Variants in MIDEAS observed in about 807,000 individuals in gnomAD.
MIDEAS encodes mitotic deacetylase associated SANT domain protein, also known as mitotic deacetylase-associated SANT domain protein.
Under a neutral mutation model 102.7 loss-of-function variants are expected in MIDEAS, and 26 were observed. The observed-to-expected ratio is 0.25, with a 90% CI of 0.19 to 0.35. The LOEUF is 0.35. Among genes scored for constraint, MIDEAS ranks in the 10% least tolerant of loss-of-function variants. The probability of loss-of-function intolerance (pLI) is 1.00; values close to 1 mark genes in which losing one functional copy is unlikely to be tolerated. For synonymous variants in MIDEAS, 585 were observed against 591.0 expected (o/e 0.99, Z 0.15); for missense variants, 1,231 against 1,435.6 (o/e 0.86, Z 2.30).
chr14:73,746,373 T>G (rs1027851477), intron 1 of MIDEAS, among the ~76,000 whole-genome samples: 1 of 152,184 alleles, frequency 6.6e-6, no homozygotes, highest in African/African-American at 2.4e-5. Context: ...GCCTTCCTCC[T>G]AGGCAAAGGC....
intron 1 of MIDEAS, among the ~76,000 whole-genome samples, chr14:73,780,886 C>T (rs1423739707): frequency 2.6e-5 from 4 of 152,120 alleles, no homozygotes; most frequent in Non-Finnish European, 4.4e-5. Flanking sequence ...CTATTAAATA[C>T]GCATCCCACT....
intron 1 of MIDEAS, among the ~76,000 whole-genome samples, chr14:73,775,973 G>A (rs532553464): frequency 1.4e-4 from 21 of 152,100 alleles, no homozygotes; most frequent in African/African-American, 4.6e-4. Flanking sequence ...TAGAACTGGA[G>A]AGATCACCTG....
In MIDEAS at chr14:73,739,072, G is replaced by A. The variant is rs752952951; in HGVS notation, c.937C>T (p.Pro313Ser). The part of the protein sequence containing the change: ...HHSMAPYPFP[P>S]NPDMNPELRK... ...AGTTCTGGGTTCATATCTGGGTTGG[G>A]GGGGAAGGGGTAGGGTGCCATGCTG... The change falls in exon 2 of 13, where the codon CCC becomes TCC. Residue 313 changes from proline (P) to serine (S), a missense_variant. Transcript: ENST00000423556. The A allele has an allele frequency of 1.3e-6, 2 of 1,576,526 alleles. No homozygotes were observed. The highest frequency in any genetic ancestry group is 1.7e-6 in the Non-Finnish European group (2 of 1,158,268).
chr14:73,729,705 G>A lies in MIDEAS; in HGVS notation c.2030C>T (p.Thr677Ile), dbSNP rs1195078290. 1 of 1,613,994 alleles carries A rather than the reference G, an allele frequency of 6.2e-7. No homozygotes were observed. Among genetic ancestry groups the A allele is most frequent in the South Asian group, 1.1e-5 (1 of 91,092 alleles). ...GGGAGGAGGGGCAGGGATGGTGCTG[G>A]TTGATATGATGGCATTGAAGTAGAG... is the stretch of plus-strand genomic sequence containing the variant. ...SGLYFNAIIS[T>I]STIPAPPPIT... Residue 677 changes from threonine (T) to isoleucine (I), a missense_variant, in exon 4 of 13, where the codon ACC becomes ATC. Transcript: ENST00000423556.
At chr14:73,741,578 C>A (rs1335432312) in intron 1 of MIDEAS, among the ~76,000 whole-genome samples, 1 of 152,150 alleles carries the variant, frequency 6.6e-6, no homozygotes, top group Admixed American at 6.5e-5. Flanking sequence ...GGCACAGGGT[C>A]CCGACTATAC....
chr14:73,720,315 T>G (rs1232807759), intron 11 of MIDEAS, among the ~76,000 whole-genome samples: 1 of 148,442 alleles, frequency 6.7e-6, no homozygotes, highest in Non-Finnish European at 1.5e-5. Flanking sequence ...CTTGGCTCAC[T>G]GCAACCTCCG....
chr14:73,723,038 C>A, intron 9 of MIDEAS, 191 bp from the exon 10 acceptor site: 1 of 554,338 alleles, frequency 1.8e-6, no homozygotes, highest in Non-Finnish European at 3.2e-6. Context: ...ATCAATGCTT[C>A]AGCACTATTT....
chr14:73,742,630 C>T lies in MIDEAS; in HGVS notation c.-247-2375G>A, dbSNP rs920852172. 6.6e-6 allele frequency among the ~76,000 whole-genome samples: 1 copy of T among 152,208 alleles called. No individual in the cohort carries two copies. Among genetic ancestry groups the T allele is most frequent in the African/African-American group, 2.4e-5 (1 of 41,464 alleles). On this transcript the variant is annotated intron_variant, in intron 1 of 12. Transcript: ENST00000423556. This position sits in a 1 kb window ranked among gnomAD's most constrained non-coding sequence, Gnocchi z 4.4. ...ACCACAGCAGCCTCTGAAGCTCAGA[C>T]AGGGACTTGCTTTGAAGAAATCAGG...
intron 5 of MIDEAS, 47 bp from the exon 6 acceptor site, chr14:73,727,019 C>G: frequency 6.5e-7 from 1 of 1,544,990 alleles, no homozygotes; most frequent in Non-Finnish European, 8.8e-7. Flanking sequence ...CTTGCGGGGA[C>G]GGAGAACTTG....
At chr14:73,757,957 G>A (rs2140152716) in intron 1 of MIDEAS, among the ~76,000 whole-genome samples, 1 of 152,292 alleles carries the variant, frequency 6.6e-6, no homozygotes, top group Middle Eastern at 3.4e-3. Flanking sequence ...CACGGGAGTG[G>A]GGGTTCTGCT....
At chr14:73,782,640 G>T (rs2053767569) in intron 1 of MIDEAS, among the ~76,000 whole-genome samples, 1 of 152,162 alleles carries the variant, frequency 6.6e-6, no homozygotes, top group African/African-American at 2.4e-5. Flanking sequence ...GTCTTCACAA[G>T]TCTTGCCTGC....
At chr14:73,740,881 G>A (rs1048231703) in intron 1 of MIDEAS, among the ~76,000 whole-genome samples, 5 of 152,372 alleles carry the variant, frequency 3.3e-5, no homozygotes, top group Admixed American at 6.5e-5. Flanking sequence ...ACAGACCCTT[G>A]TAGAGTCAGG....
At chr14:73,726,246 A>C (rs1025424185) in intron 7 of MIDEAS, 138 bp from the exon 8 acceptor site, 1 of 758,176 alleles carries the variant, frequency 1.3e-6, no homozygotes, top group African/African-American at 1.7e-5. Flanking sequence ...TAAGGGGTCC[A>C]CTGGGGTGGT....
At chr14:73,726,456 G>C in intron 7 of MIDEAS, 148 bp downstream of exon 7, 1 of 744,718 alleles carries the variant, frequency 1.3e-6, no homozygotes. Context: ...GGGCTCCCTT[G>C]GGTCAAGCCC....
Position 73,738,939 on chromosome 14 carries a change from G to C in MIDEAS, c.1070C>G (p.Pro357Arg). 1 of 1,527,804 alleles carries C rather than the reference G, an allele frequency of 6.5e-7. No individual in the cohort carries two copies. The highest frequency in any genetic ancestry group is 2.2e-5 in the Admixed American group (1 of 46,068). The allele number at this position is 1,527,804 out of a possible 1,614,324, so 94.6% of individuals were successfully genotyped here. ...GGTGCCAGCCCCATCCAGGGCGCTG[G>C]GAGGCAGGATACCCTCCTTAGAGAG... ...RRLSKEGILP[P>R]SALDGAGTQP... The change falls in exon 2 of 13, where the codon CCC becomes CGC. Residue 357 changes from proline (P) to arginine (R), a missense_variant. Around this residue, in one of 5 missense-constraint regions of MIDEAS, gnomAD observed 758 missense variants for 856.0 expected, o/e 0.89. Transcript: ENST00000423556.
At chr14:73,767,041 G>T (rs911566220) in intron 1 of MIDEAS, among the ~76,000 whole-genome samples, 5 of 151,548 alleles carry the variant, frequency 3.3e-5, no homozygotes, top group Non-Finnish European at 5.9e-5. Flanking sequence ...TTTTAGTAGA[G>T]ATGGGGTTTC....
chr14:73,759,407 T>C lies in MIDEAS; in HGVS notation c.-248+356A>G, dbSNP rs1408503052. On this transcript the variant is annotated intron_variant, in intron 1 of 12. Coordinates refer to ENST00000423556, the MANE Select transcript of MIDEAS (RefSeq NM_001367710.1). This position sits in a 1 kb window ranked among gnomAD's most constrained non-coding sequence, Gnocchi z 6.7. ...TCCCGAGCCGCCGCGGGCCGCCGGG[T>C]GGGGAGGGCTTTCCTGGCGGGGCCG... 1.3e-5 allele frequency among the ~76,000 whole-genome samples: 2 copies of C among 150,904 alleles called. No individual in the cohort carries two copies. The highest frequency in any genetic ancestry group is 3.0e-5 in the Non-Finnish European group (2 of 67,672).
chr14:73,725,171 C>A lies in MIDEAS; in HGVS notation c.2574+101G>T. ...TCTGAGGCTACTCAGTAGCATTGACCTGACTGCTTTTTAAGAGGGATTGGT... is the reference window on the plus strand; with the variant it reads ...TCTGAGGCTACTCAGTAGCATTGACATGACTGCTTTTTAAGAGGGATTGGT... On this transcript the variant is annotated intron_variant, in intron 9 of 12. Transcript: ENST00000423556. The surrounding 1 kb of genome is among the most constrained non-coding windows in gnomAD (Gnocchi z 4.1). 1.2e-6 allele frequency: 1 copy of A among 868,664 alleles called. No homozygotes were observed. Among genetic ancestry groups the A allele is most frequent in the East Asian group, 2.4e-5 (1 of 41,154 alleles). The allele number at this position is 868,664 out of a possible 1,614,324, so 53.8% of individuals were successfully genotyped here.
intron 1 of MIDEAS, among the ~76,000 whole-genome samples, chr14:73,746,131 G>A (rs999273509): frequency 6.6e-6 from 1 of 152,188 alleles, no homozygotes; most frequent in Non-Finnish European, 1.5e-5. Context: ...TCCTTTCAGG[G>A]CTTATGAGGC....
Sources: allele counts gnomAD v4.1 joint callset (sites outside exome capture counted in the v4.1 genomes callset), GRCh38; gene constraint gnomAD v4.1.1; regional missense constraint gnomAD v4.1.1; non-coding constraint Gnocchi (gnomAD v3.1); transcripts MANE v1.5; gene names NCBI Gene and HGNC (gene_info 2026-07-23, HGNC 2026-07-21).